CDH13: variants seen among roughly 807,000 people sequenced by gnomAD.
CDH13 encodes cadherin-13.
In CDH13, 24 loss-of-function variants were observed where a neutral mutation model predicts 63.8. The ratio of observed to expected loss-of-function variants is 0.38; its 90% CI spans 0.27 to 0.53. The LOEUF (loss-of-function observed/expected upper bound fraction) is 0.53. Ranked by LOEUF, CDH13 falls within the 20% of genes least tolerant of loss-of-function variation. The pLI, the probability that CDH13 is intolerant of heterozygous loss-of-function variation, is 0.85. For missense variants in CDH13, 1,049 were observed against 903.1 expected (o/e 1.16, Z -2.07); for synonymous variants, 503 against 355.3 (o/e 1.42, Z -4.67).
intron 4 of CDH13, among the ~76,000 whole-genome samples, chr16:83,136,627 C>T (rs1466864098): frequency 6.6e-6 from 1 of 152,168 alleles, no homozygotes; most frequent in African/African-American, 2.4e-5. Flanking sequence ...AAACTGGGCT[C>T]TCATAGCTGT....
Position 83,116,939 on chromosome 16 carries a change from C to T in CDH13, c.367-8446C>T, listed in dbSNP as rs74030717. On this transcript the variant is annotated intron_variant, in intron 3 of 13. Coordinates refer to ENST00000567109, the MANE Select transcript of CDH13 (RefSeq NM_001257.5). ...ATGTAGGTTCTTCAGGGAGTGCAGA[C>T]CACTTTCACATGCAGCTTCTCATTT... 2.8e-3 allele frequency among the ~76,000 whole-genome samples: 420 copies of T among 152,284 alleles called. 3 individuals carry two copies. Among genetic ancestry groups the T allele is most frequent in the African/African-American group, 9.7e-3 (401 of 41,550 alleles).
At chr16:82,722,704 C>G (rs2032855046) in intron 1 of CDH13, among the ~76,000 whole-genome samples, 1 of 152,156 alleles carries the variant, frequency 6.6e-6, no homozygotes. Flanking sequence ...CGAGCACCTG[C>G]CATTGTATGC....
intron 6 of CDH13, among the ~76,000 whole-genome samples, chr16:83,442,317 T>G (rs1439664650): frequency 6.6e-6 from 1 of 152,206 alleles, no homozygotes; most frequent in Non-Finnish European, 1.5e-5. Flanking sequence ...TATGTGAATC[T>G]AGATGAGATT....
intron 7 of CDH13, among the ~76,000 whole-genome samples, chr16:83,497,829 G>T (rs2074182524): frequency 1.3e-5 from 2 of 152,144 alleles, no homozygotes; most frequent in African/African-American, 4.8e-5. Flanking sequence ...ACTGCAGCAT[G>T]TTATCATATG....
At chr16:83,329,157 T>A (rs909574782) in intron 5 of CDH13, among the ~76,000 whole-genome samples, 1 of 152,214 alleles carries the variant, frequency 6.6e-6, no homozygotes, top group Non-Finnish European at 1.5e-5. Context: ...ATGCTTGTGG[T>A]TGAATTTCAG....
intron 7 of CDH13, among the ~76,000 whole-genome samples, chr16:83,568,056 C>T (rs961029675): frequency 2.0e-5 from 3 of 152,142 alleles, no homozygotes; most frequent in East Asian, 1.9e-4. Flanking sequence ...AGGCAGGATG[C>T]GCACCAACTG....
rs1342544314 is a variant in CDH13, at chr16:83,003,338, C to T, written c.158-28672C>T. Among the ~76,000 whole-genome samples the T allele has an allele frequency of 2.6e-5, 4 of 151,810 alleles. No homozygotes were observed. The East Asian group carries it at 7.7e-4, about 29-fold the overall frequency. On this transcript the variant is annotated intron_variant, in intron 2 of 13. Transcript: ENST00000567109. ...TCAGAATGTTTCAGTAGCTTTGTGA[C>T]TCCAGGTAGCATTGCATTGATAATT...
At chr16:83,749,962 G>C (rs1434305852) in intron 11 of CDH13, among the ~76,000 whole-genome samples, 1 of 152,188 alleles carries the variant, frequency 6.6e-6, no homozygotes, top group Non-Finnish European at 1.5e-5. Context: ...TGATTGGTTA[G>C]CCTTAAGTTT....
At chr16:82,855,254 A>G (rs2039639148) in intron 1 of CDH13, among the ~76,000 whole-genome samples, 1 of 152,142 alleles carries the variant, frequency 6.6e-6, no homozygotes, top group South Asian at 2.1e-4. Flanking sequence ...AAGTAATCTC[A>G]GAGATTGAGC....
chr16:83,560,899 G>GCACCCCCC (rs1555573400), intron 7 of CDH13, among the ~76,000 whole-genome samples: 2 of 148,584 alleles, frequency 1.3e-5, no homozygotes, highest in African/African-American at 2.5e-5. Context: ...CATAAGGTTG[G>GCACCCCCC]CCCCCCCCCC....
chr16:82,964,835 T>G (rs1907573672), intron 2 of CDH13, among the ~76,000 whole-genome samples: 1 of 152,188 alleles, frequency 6.6e-6, no homozygotes, highest in South Asian at 2.1e-4. Context: ...GATCCTGGGT[T>G]TTTTTCTTCC....
At position 83,466,332 on chromosome 16, in the gene CDH13, G is replaced by A. The variant is rs138594550; in HGVS notation, c.782-20145G>A. Among the ~76,000 whole-genome samples, 557 of 152,276 alleles carry A rather than the reference G, an allele frequency of 3.7e-3. 2 individuals carry two copies. The highest frequency in any genetic ancestry group is 7.7e-3 in the South Asian group (37 of 4,824). On this transcript the variant is annotated intron_variant, in intron 6 of 13. Transcript: ENST00000567109. The stretch of plus-strand genomic sequence containing the variant: ...GCAAAGGAGGCATGGGGTTTTATTA[G>A]GGGCTTACATCCAGGCAAGAGAGTC...
At chr16:82,921,265 C>A (rs745939038) in intron 2 of CDH13, among the ~76,000 whole-genome samples, 6 of 152,162 alleles carry the variant, frequency 3.9e-5, no homozygotes, top group Non-Finnish European at 8.8e-5. Flanking sequence ...GGCAGAGCTA[C>A]ACTCTCTCCA....
Position 83,795,067 on chromosome 16 carries a change from C to T in CDH13, c.*37C>T. On this transcript the variant is annotated 3_prime_UTR_variant, in exon 14 of 14. Transcript: ENST00000567109. Reference sequence around the variant, plus strand: ...GTCTGAAGCTTGACTCCCAAGTTTCCATAGCAACAGGAAAAAAAAAAATCT... The same window carrying T: ...GTCTGAAGCTTGACTCCCAAGTTTCTATAGCAACAGGAAAAAAAAAAATCT... The T allele has an allele frequency of 6.4e-7, 1 of 1,557,014 alleles. No individual in the cohort carries two copies. Among genetic ancestry groups the T allele is most frequent in the Non-Finnish European group, 8.7e-7 (1 of 1,150,810 alleles).
chr16:83,660,311 A>G (rs1029582011), intron 8 of CDH13, among the ~76,000 whole-genome samples: 1 of 152,188 alleles, frequency 6.6e-6, no homozygotes, highest in Non-Finnish European at 1.5e-5. Context: ...AGACGGTTCC[A>G]TCTGGGGGTG....
intron 1 of CDH13, chr16:82,639,340 A>T (rs1276745435): frequency 1.3e-6 from 2 of 1,514,864 alleles, no homozygotes; most frequent in East Asian, 4.9e-5. Context: ...CTTTGTCTCC[A>T]TGTCCTTGCT....
chr16:82,707,125 A>T (rs1007616897), intron 1 of CDH13, among the ~76,000 whole-genome samples: 1 of 152,254 alleles, frequency 6.6e-6, no homozygotes, highest in Non-Finnish European at 1.5e-5. Context: ...CCTAAAGCGT[A>T]AAGTTGGAAA....
chr16:82,731,619 T>G (rs771395798), intron 1 of CDH13, among the ~76,000 whole-genome samples: 4 of 152,220 alleles, frequency 2.6e-5, no homozygotes, highest in Non-Finnish European at 4.4e-5. Flanking sequence ...TAAATGGAAA[T>G]GGCAATCAAC....
chr16:83,135,770 A>G (rs913264171), intron 4 of CDH13, among the ~76,000 whole-genome samples: 1 of 152,250 alleles, frequency 6.6e-6, no homozygotes, highest in South Asian at 2.1e-4. Flanking sequence ...TCATGTAACC[A>G]AATGCCCATC....
Sources: gnomAD v4.1 joint callset for allele counts (sites outside exome capture counted in the v4.1 genomes callset) on GRCh38, gnomAD v4.1.1 for gene constraint, MANE v1.5 for transcripts, NCBI Gene and HGNC (gene_info 2026-07-23, HGNC 2026-07-21) for gene names.